ERMP1: variants seen among roughly 807,000 people sequenced by gnomAD.
ERMP1 encodes the protein endoplasmic reticulum metallopeptidase 1.
Under a neutral mutation model 92.0 loss-of-function variants are expected in ERMP1, and 86 were observed. The observed-to-expected ratio is 0.93, with a 90% CI of 0.79 to 1.12. The LOEUF is 1.12. ERMP1 is among the 50% of genes most tolerant of loss of function. The pLI, the probability that ERMP1 is intolerant of heterozygous loss-of-function variation, is 0.00. For synonymous variants in ERMP1, 530 were observed against 412.8 expected, an observed-to-expected ratio of 1.28 and a Z score of -3.44; for missense variants, 1,342 against 1,116.3, an observed-to-expected ratio of 1.20 and a Z score of -2.88.
At chr9:5,795,384 C>G (rs1002265333) in intron 13 of ERMP1, among the ~76,000 whole-genome samples, 1 of 152,056 alleles carries the variant, frequency 6.6e-6, no homozygotes, top group South Asian at 2.1e-4. Context: ...ACTAGAAGTC[C>G]CAGATAATGT....
In ERMP1 at chr9:5,833,066, C is replaced by T. The variant is rs770211500; in HGVS notation, c.-39G>A. 5 of 1,411,404 alleles carry T rather than the reference C, an allele frequency of 3.5e-6. No individual in the cohort carries two copies. The highest frequency in any genetic ancestry group is 4.6e-6 in the Non-Finnish European group (5 of 1,091,956). 87.4% of individuals were successfully genotyped at this position (1,411,404 alleles called of 1,614,324 possible). A position where few individuals can be genotyped will look rare whatever the true frequency, so the allele number is the denominator to read the frequency against. On this transcript the variant is annotated 5_prime_UTR_variant, in exon 1 of 15. Transcript: ENST00000339450. ...AGCTGCCAGCCCAACCGCCCCAACCCGCGACAGCCCCGGCCGCCGCCGACG... is the reference window on the plus strand; with the variant it reads ...AGCTGCCAGCCCAACCGCCCCAACCTGCGACAGCCCCGGCCGCCGCCGACG...
At chr9:5,852,581 C>G (rs1365154660) in intron 6 of ERMP1, among the ~76,000 whole-genome samples, 1 of 150,820 alleles carries the variant, frequency 6.6e-6, no homozygotes, top group Non-Finnish European at 1.5e-5. Context: ...TTTATGTGCT[C>G]AAATACTGGA....
intron 6 of ERMP1, among the ~76,000 whole-genome samples, chr9:5,843,259 C>T (rs1267535921): frequency 6.6e-6 from 1 of 152,174 alleles, no homozygotes; most frequent in Non-Finnish European, 1.5e-5. Context: ...GAATTTGGGG[C>T]TCAGCACAGC....
chr9:5,839,969 C>T (rs758982600), intron 6 of ERMP1, among the ~76,000 whole-genome samples: 11 of 152,268 alleles, frequency 7.2e-5, no homozygotes, highest in South Asian at 2.1e-4. Flanking sequence ...AGGCCGGGCA[C>T]GGTGGCTCAC....
upstream of ERMP1, among the ~76,000 whole-genome samples, chr9:5,836,680 A>G (rs1439828914): frequency 6.6e-6 from 1 of 152,170 alleles, no homozygotes; most frequent in Non-Finnish European, 1.5e-5. Context: ...CTTGGGCGTC[A>G]GGGTGCTGTT....
chr9:5,821,739 C>G (rs956235124), intron 4 of ERMP1, among the ~76,000 whole-genome samples: 5 of 152,180 alleles, frequency 3.3e-5, no homozygotes, highest in African/African-American at 1.2e-4. Context: ...GGGCAAGGTG[C>G]TGTGCTAATA....
chr9:5,849,371 T>C (rs1240057834), intron 6 of ERMP1, among the ~76,000 whole-genome samples: 1 of 152,184 alleles, frequency 6.6e-6, no homozygotes, highest in African/African-American at 2.4e-5. Context: ...ATCCTACAGA[T>C]ACTAATCTAG....
At chr9:5,841,101 T>C (rs1010219917) in intron 6 of ERMP1, among the ~76,000 whole-genome samples, 1 of 152,236 alleles carries the variant, frequency 6.6e-6, no homozygotes, top group African/African-American at 2.4e-5. Context: ...TCTTTATTAG[T>C]TCCTTCTTGT....
At chr9:5,866,871 C>T (rs1830682701) in intron 5 of ERMP1, among the ~76,000 whole-genome samples, 1 of 152,096 alleles carries the variant, frequency 6.6e-6, no homozygotes, top group South Asian at 2.1e-4. Context: ...GCTCCCTGAG[C>T]CTCATTGGCC....
intron 8 of ERMP1, among the ~76,000 whole-genome samples, chr9:5,808,088 G>A (rs1411164863): frequency 1.3e-5 from 2 of 152,126 alleles, no homozygotes; most frequent in African/African-American, 2.4e-5. Flanking sequence ...GCCTCCCAAT[G>A]TTGGGATTAC....
Position 5,812,224 on chromosome 9 carries a change from CAT to C in ERMP1, c.1022-9_1022-8del. 6.7e-7 allele frequency: 1 copy of C among 1,495,354 alleles called. No individual in the cohort carries two copies. The highest frequency in any genetic ancestry group is 9.1e-7 in the Non-Finnish European group (1 of 1,097,968). 92.6% of individuals were successfully genotyped at this position (1,495,354 alleles called of 1,614,324 possible). ...ATAAAAGCTAAGTCTATTCCTAAAACATATATATAGAAAAAAAAAAGTCATTT... is the reference window on the plus strand; with the variant it reads ...ATAAAAGCTAAGTCTATTCCTAAAACATATATAGAAAAAAAAAAGTCATTT... On this transcript the variant is annotated splice_region_variant and splice_polypyrimidine_tract_variant and intron_variant, in intron 5 of 14. Coordinates refer to ENST00000339450, the MANE Select transcript of ERMP1 (RefSeq NM_024896.3).
chr9:5,820,702 G>C (rs1199022203), intron 4 of ERMP1, among the ~76,000 whole-genome samples: 1 of 152,150 alleles, frequency 6.6e-6, no homozygotes, highest in Non-Finnish European at 1.5e-5. Flanking sequence ...AAAGTTTCCA[G>C]GGCAGGACAA....
chr9:5,792,883 G>C (rs1344072837), intron 13 of ERMP1, among the ~76,000 whole-genome samples: 1 of 152,118 alleles, frequency 6.6e-6, no homozygotes, highest in East Asian at 1.9e-4. Context: ...TAAAACCTGA[G>C]AAGGCAAGTA....
At chr9:5,788,688 A>G (rs1828041760) in intron 13 of ERMP1, among the ~76,000 whole-genome samples, 1 of 152,168 alleles carries the variant, frequency 6.6e-6, no homozygotes, top group Non-Finnish European at 1.5e-5. Context: ...AAAGTATCAG[A>G]AAATTCCTCT....
intron 5 of ERMP1, among the ~76,000 whole-genome samples, chr9:5,864,990 C>G (rs996214212): frequency 1.3e-4 from 20 of 152,050 alleles, no homozygotes; most frequent in African/African-American, 4.6e-4. Flanking sequence ...AAAAAAATCA[C>G]TGAAGGAAAA....
chr9:5,832,736 G>A lies in ERMP1; in HGVS notation c.292C>T (p.Arg98Cys), dbSNP rs1319545456. The change falls in exon 1 of 15, where the codon CGC becomes TGC. Residue 98 changes from arginine (R) to cysteine (C), a missense_variant. By Grantham distance (180) the Arg-to-Cys change is radical. Transcript: ENST00000339450. ...TCCCCGCGGTGTCCAGCGGCCCCGC[G>A]TAGCACGAGCTGCTGCAGCGAGAGC... is the stretch of plus-strand genomic sequence containing the variant. ...VQLSLQQLVL[R>C]GAAGHRGEFD... The A allele has an allele frequency of 3.3e-6, 5 of 1,496,428 alleles. No homozygotes were observed. Among genetic ancestry groups the A allele is most frequent in the Admixed American group, 4.4e-5 (2 of 45,736 alleles). 92.7% of individuals were successfully genotyped at this position (1,496,428 alleles called of 1,614,324 possible).
At chr9:5,825,450 T>C (rs1829696391) in intron 2 of ERMP1, among the ~76,000 whole-genome samples, 1 of 152,226 alleles carries the variant, frequency 6.6e-6, no homozygotes. Context: ...CTACCATGCC[T>C]GACCCACCAG....
rs760741004 is a variant in ERMP1, at chr9:5,797,870, A to G, written c.2333T>C (p.Ile778Thr). The change falls in exon 13 of 15, where the codon ATA (isoleucine) becomes ACA (threonine). Residue 778 changes from isoleucine to threonine, a missense_variant. By Grantham distance (89) the Ile-to-Thr change is moderately conservative. Transcript: ENST00000339450. Reference protein sequence around the residue: ...SPRNPPHFRLISKEQTPWDSI... With the variant: ...SPRNPPHFRLTSKEQTPWDSI... ...ATCCCAAGGTGTCTGTTCTTTGGATATGAGTCGGAAATGAGGAGGATTTCT... is the reference window on the plus strand; with the variant it reads ...ATCCCAAGGTGTCTGTTCTTTGGATGTGAGTCGGAAATGAGGAGGATTTCT... 3 of 1,613,886 alleles carry G rather than the reference A, an allele frequency of 1.9e-6. No homozygotes were observed. Among genetic ancestry groups the G allele is most frequent in the East Asian group, 2.2e-5 (1 of 44,864 alleles).
intron 10 of ERMP1, among the ~76,000 whole-genome samples, chr9:5,801,774 C>T (rs923844939): frequency 6.6e-6 from 1 of 152,188 alleles, no homozygotes; most frequent in African/African-American, 2.4e-5. Flanking sequence ...TTCATCTCAA[C>T]TGGCATAGAG....
Sources: allele counts gnomAD v4.1 joint callset (sites outside exome capture counted in the v4.1 genomes callset), GRCh38; gene constraint gnomAD v4.1.1; transcripts MANE v1.5; gene names NCBI Gene and HGNC (gene_info 2026-07-23, HGNC 2026-07-21).